Variants in LRMDA observed in about 807,000 individuals in gnomAD.
The protein encoded by LRMDA is leucine rich melanocyte differentiation associated.
In LRMDA, 18 loss-of-function variants were observed where a neutral mutation model predicts 29.8. The ratio of observed to expected loss-of-function variants is 0.60; its 90% CI spans 0.42 to 0.90. The LOEUF (loss-of-function observed/expected upper bound fraction) is 0.90, where lower values mean the gene tolerates loss of function less well. LRMDA is among the 40% of genes least tolerant of loss of function. The pLI is 0.00. For synonymous variants in LRMDA, 125 were observed against 109.4 expected (o/e 1.14, Z -0.89); for missense variants, 273 against 273.9 (o/e 1.00, Z 0.02).
At chr10:76,485,615 T>G (rs949649547) in intron 6 of LRMDA, among the ~76,000 whole-genome samples, 8 of 151,950 alleles carry the variant, frequency 5.3e-5, no homozygotes, top group African/African-American at 1.9e-4. Flanking sequence ...CCTTTCTTCA[T>G]ATCTATCTGG....
intron 2 of LRMDA, among the ~76,000 whole-genome samples, chr10:75,481,230 C>A (rs1365769918): frequency 6.6e-6 from 1 of 151,768 alleles, no homozygotes; most frequent in Non-Finnish European, 1.5e-5. Flanking sequence ...GGCAGTTTAG[C>A]GTGAGAAGAG....
intron 6 of LRMDA, among the ~76,000 whole-genome samples, chr10:76,385,057 G>A (rs1440599275): frequency 6.6e-6 from 1 of 152,162 alleles, no homozygotes; most frequent in Non-Finnish European, 1.5e-5. Context: ...AATTCCAATA[G>A]CAAGAGTATT....
intron 5 of LRMDA, among the ~76,000 whole-genome samples, chr10:76,160,037 G>A (rs1014778117): frequency 6.6e-6 from 1 of 152,036 alleles, no homozygotes; most frequent in African/African-American, 2.4e-5. Context: ...GAGTAATAAC[G>A]ATGGGTTGAT....
At chr10:76,503,369 A>AT (rs986967030) in intron 6 of LRMDA, among the ~76,000 whole-genome samples, 3 of 151,786 alleles carry the variant, frequency 2.0e-5, no homozygotes, top group Non-Finnish European at 4.4e-5. Context: ...CTCATCCCTG[A>AT]TTTTTTAGAA....
intron 2 of LRMDA, among the ~76,000 whole-genome samples, chr10:75,951,178 G>A (rs1846567834): frequency 6.6e-6 from 1 of 152,198 alleles, no homozygotes; most frequent in South Asian, 2.1e-4. Flanking sequence ...CTTTCCCAAG[G>A]GAATTTACAG....
At chr10:75,896,191 A>G (rs1845577539) in intron 2 of LRMDA, among the ~76,000 whole-genome samples, 1 of 152,180 alleles carries the variant, frequency 6.6e-6, no homozygotes, top group African/African-American at 2.4e-5. Flanking sequence ...TGGAGAGAGT[A>G]CTTTGGTGTT....
intron 5 of LRMDA, among the ~76,000 whole-genome samples, chr10:76,086,672 C>T (rs530796442): frequency 1.3e-5 from 2 of 152,072 alleles, no homozygotes; most frequent in East Asian, 1.9e-4. Context: ...GTTTTACTCT[C>T]GTGGAGGGGC....
rs370913013 is a variant in LRMDA, at chr10:75,781,022, T to C, written c.132-254986T>C. ...GTGATCTGTCTTGAGCCTCCATGCC[T>C]TTGCACCTGGCATCCTCTTTCTCCG... On this transcript the variant is annotated intron_variant, in intron 2 of 6. Transcript: ENST00000611255. Among the ~76,000 whole-genome samples the C allele has an allele frequency of 4.6e-5, 7 of 152,176 alleles. No homozygotes were observed. In the East Asian group the frequency reaches 9.6e-4, roughly 21 times the overall value.
At chr10:76,135,688 C>T (rs1279301567) in intron 5 of LRMDA, among the ~76,000 whole-genome samples, 1 of 152,016 alleles carries the variant, frequency 6.6e-6, no homozygotes, top group African/African-American at 2.4e-5. Context: ...TCAGGTGCTC[C>T]TTGACTTGTA....
At chr10:76,263,609 G>A (rs926357509) in intron 5 of LRMDA, among the ~76,000 whole-genome samples, 1 of 152,160 alleles carries the variant, frequency 6.6e-6, no homozygotes, top group African/African-American at 2.4e-5. Context: ...AGGCAGGGAT[G>A]GGAGCTTGTT....
intron 2 of LRMDA, among the ~76,000 whole-genome samples, chr10:75,964,682 G>C (rs1272673508): frequency 6.6e-6 from 1 of 152,202 alleles, no homozygotes; most frequent in Non-Finnish European, 1.5e-5. Context: ...CATGTATAGA[G>C]GCTAGATAGG....
chr10:75,518,009 T>A (rs976641327), intron 2 of LRMDA, among the ~76,000 whole-genome samples: 3 of 152,240 alleles, frequency 2.0e-5, no homozygotes, highest in Non-Finnish European at 2.9e-5. Flanking sequence ...CGTTTATTGA[T>A]TCACCTATGT....
chr10:75,554,852 A>C (rs1840194645), intron 2 of LRMDA, among the ~76,000 whole-genome samples: 1 of 152,208 alleles, frequency 6.6e-6, no homozygotes, highest in Admixed American at 6.5e-5. Flanking sequence ...GAGTAGATGC[A>C]AAGAAATGAA....
intron 6 of LRMDA, among the ~76,000 whole-genome samples, chr10:76,368,997 G>A (rs1841423523): frequency 6.6e-6 from 1 of 152,124 alleles, no homozygotes; most frequent in Admixed American, 6.6e-5. Context: ...GAGTTCTTAT[G>A]TGTTGGGTGA....
At chr10:75,721,463 A>G (rs1268882675) in intron 2 of LRMDA, among the ~76,000 whole-genome samples, 2 of 152,250 alleles carry the variant, frequency 1.3e-5, no homozygotes, top group African/African-American at 2.4e-5. Flanking sequence ...AGAAAAGTAT[A>G]TTAAGATTTG....
chr10:76,196,512 T>C (rs577408927), intron 5 of LRMDA, among the ~76,000 whole-genome samples: 16 of 152,316 alleles, frequency 1.1e-4, no homozygotes, highest in African/African-American at 3.6e-4. Flanking sequence ...TCTGCAGTGA[T>C]CTCTCCCTGT....
At chr10:76,448,991 A>G (rs927718027) in intron 6 of LRMDA, among the ~76,000 whole-genome samples, 1 of 151,906 alleles carries the variant, frequency 6.6e-6, no homozygotes, top group African/African-American at 2.4e-5. Context: ...GATTTATTTC[A>G]TCTTTTAACT....
At chr10:76,535,121 G>A (rs555900813) in intron 6 of LRMDA, among the ~76,000 whole-genome samples, 2 of 152,138 alleles carry the variant, frequency 1.3e-5, no homozygotes, top group Non-Finnish European at 2.9e-5. Context: ...CCAGCACATC[G>A]TAGACTCTCA....
Position 76,488,332 on chromosome 10 carries a change from TC to T in LRMDA, c.602-68874del, listed in dbSNP as rs925883688. ...ATGACCTTTGAAATTCCTTACTCCTTCCCTGTCTGCCTCTGCCTCTGAGAAA... is the reference window on the plus strand; with the variant it reads ...ATGACCTTTGAAATTCCTTACTCCTTCCTGTCTGCCTCTGCCTCTGAGAAA... On this transcript the variant is annotated intron_variant, in intron 6 of 6. Coordinates refer to ENST00000611255, the MANE Select transcript of LRMDA (RefSeq NM_001305581.2). Among the ~76,000 whole-genome samples the T allele has an allele frequency of 1.7e-4, 26 of 151,868 alleles. 1 individual carries two copies. Among genetic ancestry groups the T allele is most frequent in the African/African-American group, 6.0e-4 (25 of 41,410 alleles).
Sources: allele counts gnomAD v4.1 joint callset (sites outside exome capture counted in the v4.1 genomes callset), GRCh38; gene constraint gnomAD v4.1.1; transcripts MANE v1.5; gene names NCBI Gene and HGNC (gene_info 2026-07-23, HGNC 2026-07-21).